Variants in CARS2 observed in about 807,000 individuals in gnomAD.
CARS2 encodes probable cysteine--tRNA ligase, mitochondrial.
CARS2 carries 52 observed loss-of-function variants against 68.8 expected under a neutral mutation model. The observed-to-expected ratio is 0.76, with a 90% CI of 0.61 to 0.95. The LOEUF is 0.95. Among genes scored for constraint, CARS2 ranks in the 40% least tolerant of loss-of-function variants. The pLI is 0.00. For synonymous variants in CARS2, 314 were observed against 303.6 expected, an observed-to-expected ratio of 1.03 and a Z score of -0.36; for missense variants, 780 against 754.2, an observed-to-expected ratio of 1.03 and a Z score of -0.40.
chr13:110,649,931 C>CTGTTTTTTTTTTTTTTTTTTTTTT lies in CARS2; in HGVS notation c.1054+1102_1054+1103insAAAAAAAAAAAAAAAAAAAAAACA, dbSNP rs1249270267. ...CCAGGGATGCAGCTCTGGATAACGACTTTTTTTTTTTTTTTTTTTTTTTTG... is the reference window on the plus strand; with the variant it reads ...CCAGGGATGCAGCTCTGGATAACGACTGTTTTTTTTTTTTTTTTTTTTTTTTTTTTTTTTTTTTTTTTTTTTTTG... On this transcript the variant is annotated intron_variant, in intron 10 of 14. Coordinates refer to ENST00000257347, the MANE Select transcript of CARS2 (RefSeq NM_024537.4). Among the ~76,000 whole-genome samples, 44 of 73,148 alleles carry CTGTTTTTTTTTTTTTTTTTTTTTT rather than the reference C, an allele frequency of 6.0e-4. 5 individuals carry two copies. Among genetic ancestry groups the CTGTTTTTTTTTTTTTTTTTTTTTT allele is most frequent in the East Asian group, 3.1e-3 (7 of 2,246 alleles). The allele number at this position is 73,148 out of a possible 152,430, so 48.0% of individuals were successfully genotyped here. A position where few individuals can be genotyped will look rare whatever the true frequency, so the allele number is the denominator to read the frequency against.
upstream of CARS2, chr13:110,706,199 G>T: frequency 2.4e-6 from 2 of 822,370 alleles, no homozygotes; most frequent in Non-Finnish European, 3.2e-6. Context: ...CACGCCCTTG[G>T]GGCCACGCCC....
chr13:110,644,443 A>G lies in CARS2; in HGVS notation c.1358T>C (p.Ile453Thr), dbSNP rs1464132847. The G allele has an allele frequency of 6.2e-7, 1 of 1,614,134 alleles. No individual in the cohort carries two copies. The highest frequency in any genetic ancestry group is 1.7e-5 in the Admixed American group (1 of 60,030). ...GPRSPAVFGA[I>T]ISYFEQFFET... ...AAAAAACTGTTCAAAGTAAGAGATG[A>G]TGGCACCAAACACAGCAGGACTTCT... is the stretch of plus-strand genomic sequence containing the variant. Residue 453 changes from isoleucine (I) to threonine (T), a missense_variant, in exon 13 of 15, where the codon ATC becomes ACC. Coordinates refer to ENST00000257347, the MANE Select transcript of CARS2 (RefSeq NM_024537.4).
intron 9 of CARS2, among the ~76,000 whole-genome samples, chr13:110,654,869 C>A (rs945334963): frequency 7.2e-6 from 1 of 139,606 alleles, no homozygotes; most frequent in Non-Finnish European, 1.5e-5. Context: ...TGAGCTAGGA[C>A]TGCACCAGGT....
intron 7 of CARS2, among the ~76,000 whole-genome samples, chr13:110,669,650 C>T (rs938384327): frequency 2.6e-5 from 4 of 152,134 alleles, no homozygotes; most frequent in South Asian, 2.1e-4. Flanking sequence ...GCATGAGCGA[C>T]GCAGAAGACG....
chr13:110,671,439 C>T (rs917328814), intron 7 of CARS2, among the ~76,000 whole-genome samples: 1 of 152,138 alleles, frequency 6.6e-6, no homozygotes, highest in Non-Finnish European at 1.5e-5. Context: ...AATTTTTAAC[C>T]CAGAATTTCA....
Position 110,713,066 on chromosome 13 carries a change from G to C in CARS2, n.399+71C>G. 3.4e-6 allele frequency: 5 copies of C among 1,454,320 alleles called. No individual in the cohort carries two copies. In the South Asian group the frequency reaches 5.5e-5, roughly 16 times the overall value. The allele number at this position is 1,454,320 out of a possible 1,614,324, so 90.1% of individuals were successfully genotyped here. On this transcript the variant is annotated intron_variant and non_coding_transcript_variant, in intron 1 of 2. Coordinates refer to the CARS2 transcript ENST00000485188. ...GCGCCGCCACTTCCGCCCGTGCCCG[G>C]CCCTCCCCTTCCTTCCGCCTCCCGG... is the stretch of plus-strand genomic sequence containing the variant.
At chr13:110,692,561 C>CTT (rs34307243) in intron 3 of CARS2, among the ~76,000 whole-genome samples, 9 of 132,502 alleles carry the variant, frequency 6.8e-5, no homozygotes, top group African/African-American at 2.5e-4. Context: ...CCTATTCTTC[C>CTT]TTTTTTTTTT....
In CARS2 at chr13:110,642,426, C is replaced by T. The variant is rs1428532636; in HGVS notation, c.1512G>A (p.Met504Ile). 6.2e-7 allele frequency: 1 copy of T among 1,604,064 alleles called. No individual in the cohort carries two copies. Among genetic ancestry groups the T allele is most frequent in the African/African-American group, 1.3e-5 (1 of 74,792 alleles). Residue 504 changes from methionine to isoleucine, a missense_variant, in exon 14 of 15, where the codon ATG becomes ATA. Physicochemically the swap from Met to Ile is conservative, Grantham distance 10. Transcript: ENST00000257347. Reference sequence around the variant, plus strand: ...GCCGGGCGTCCCCCGTGGCCTCGGGCATGGCCAGCGCAAACTGCCGGACCT... The same window carrying T: ...GCCGGGCGTCCCCCGTGGCCTCGGGTATGGCCAGCGCAAACTGCCGGACCT... The part of the protein sequence containing the change: ...RQKVRQFALA[M>I]PEATGDARRQ...
chr13:110,652,271 C>T (rs1461713769), intron 9 of CARS2, among the ~76,000 whole-genome samples: 1 of 152,278 alleles, frequency 6.6e-6, no homozygotes, highest in East Asian at 1.9e-4. Context: ...CTCAGATACC[C>T]ACTTCCTCTG....
chr13:110,706,839 C>G (rs909352895), upstream of CARS2, among the ~76,000 whole-genome samples: 9 of 149,162 alleles, frequency 6.0e-5, no homozygotes, highest in Non-Finnish European at 1.0e-4. Context: ...ATCTGCACCC[C>G]AATAGTGTGC....
chr13:110,712,781 C>T (rs2064047023), intron 1 of CARS2: 1 of 720,302 alleles, frequency 1.4e-6, no homozygotes, highest in Non-Finnish European at 2.5e-6. Context: ...GAGATAAGGC[C>T]TAGGGAAGGC....
chr13:110,698,286 G>A (rs975205191), intron 3 of CARS2, among the ~76,000 whole-genome samples: 7 of 152,052 alleles, frequency 4.6e-5, no homozygotes, highest in East Asian at 1.9e-4. Flanking sequence ...TTGGGAGGCC[G>A]AGGAGGGCGG....
chr13:110,671,918 G>A (rs2062813467), intron 7 of CARS2, among the ~76,000 whole-genome samples: 1 of 152,172 alleles, frequency 6.6e-6, no homozygotes, highest in Non-Finnish European at 1.5e-5. Context: ...TGCAAACCTA[G>A]TGTCTGATAA....
At chr13:110,657,969 A>G (rs770170673) in intron 9 of CARS2, among the ~76,000 whole-genome samples, 4 of 152,202 alleles carry the variant, frequency 2.6e-5, no homozygotes, top group Non-Finnish European at 2.9e-5. Context: ...ACCTGGATCA[A>G]ACTGACCCTT....
upstream of CARS2, chr13:110,706,148 G>A (rs2063952604): frequency 8.2e-7 from 1 of 1,224,898 alleles, no homozygotes; most frequent in Non-Finnish European, 1.0e-6. Flanking sequence ...CGGGTACGCT[G>A]CCGGTCGCTC....
At chr13:110,642,236 C>A in intron 14 of CARS2, 79 bp downstream of exon 14, 1 of 1,115,098 alleles carries the variant, frequency 9.0e-7, no homozygotes, top group Non-Finnish European at 1.3e-6. Flanking sequence ...CGGGGGATGT[C>A]TGGGCCTCTG....
chr13:110,694,185 C>T (rs1262543980), intron 3 of CARS2, among the ~76,000 whole-genome samples: 1 of 151,884 alleles, frequency 6.6e-6, no homozygotes, highest in Non-Finnish European at 1.5e-5. Context: ...CACCACCATG[C>T]CCAGCTAATT....
chr13:110,701,507 A>C lies in CARS2; in HGVS notation c.324T>G (p.Phe108Leu). ...CCATCACCATGACTATGCTGCATCC[A>C]AAAACCTTGGTTAGGATCCTTCGAA... ...DIIRRILTKV[F>L]GCSIVMVMGI... Residue 108 changes from phenylalanine (F) to leucine (L), a missense_variant, in exon 3 of 15, where the codon TTT becomes TTG. By Grantham distance (22) the Phe-to-Leu change is conservative. Coordinates refer to ENST00000257347, the MANE Select transcript of CARS2 (RefSeq NM_024537.4). 6.3e-7 allele frequency: 1 copy of C among 1,591,040 alleles called. No homozygotes were observed. The highest frequency in any genetic ancestry group is 8.6e-7 in the Non-Finnish European group (1 of 1,159,126).
intron 8 of CARS2, chr13:110,667,071 T>TTAA: frequency 9.7e-6 from 6 of 615,536 alleles, no homozygotes; most frequent in Non-Finnish European, 1.2e-5. Context: ...AAGTTCCTTC[T>TTAA]TAATAGTTTT....
Sources: gnomAD v4.1 joint callset for allele counts (sites outside exome capture counted in the v4.1 genomes callset) on GRCh38, gnomAD v4.1.1 for gene constraint, MANE v1.5 for transcripts, NCBI Gene and HGNC (gene_info 2026-07-23, HGNC 2026-07-21) for gene names.